PRKCB: variants seen among roughly 807,000 people sequenced by gnomAD.
The protein encoded by PRKCB is protein kinase C beta type.
In PRKCB, 13 loss-of-function variants were observed where a neutral mutation model predicts 81.5. The observed-to-expected ratio is 0.16, with a 90% CI of 0.10 to 0.25. PRKCB has a LOEUF of 0.25. PRKCB is among the 10% of genes least tolerant of loss of function. The pLI is 1.00. For missense variants in PRKCB, 509 were observed against 875.7 expected (o/e 0.58, Z 5.29); for synonymous variants, 335 against 321.4 (o/e 1.04, Z -0.45).
At chr16:23,873,833 C>T (rs140176540) in intron 2 of PRKCB, among the ~76,000 whole-genome samples, 43 of 152,342 alleles carry the variant, frequency 2.8e-4, no homozygotes, top group Non-Finnish European at 5.7e-4. Flanking sequence ...TCCCACTCTT[C>T]ATCCTGCTTT....
At chr16:24,000,125 G>A (rs1412863343) in intron 3 of PRKCB, among the ~76,000 whole-genome samples, 1 of 152,160 alleles carries the variant, frequency 6.6e-6, no homozygotes, top group Non-Finnish European at 1.5e-5. Context: ...AGATTCAAGT[G>A]GTAGAAAAAT....
intron 2 of PRKCB, among the ~76,000 whole-genome samples, chr16:23,920,947 C>G (rs1279817996): frequency 2.0e-5 from 3 of 152,110 alleles, no homozygotes; most frequent in Non-Finnish European, 2.9e-5. Flanking sequence ...GGAGGCCTCA[C>G]GATCATGGCA....
chr16:24,206,879 T>C (rs1365715077), intron 16 of PRKCB, among the ~76,000 whole-genome samples: 2 of 152,234 alleles, frequency 1.3e-5, no homozygotes, highest in African/African-American at 4.8e-5. Flanking sequence ...CCTTCCTTAT[T>C]ATCCCTTAGC....
intron 5 of PRKCB, among the ~76,000 whole-genome samples, chr16:24,039,699 G>A (rs1211134076): frequency 6.6e-6 from 1 of 152,190 alleles, no homozygotes; most frequent in Non-Finnish European, 1.5e-5. Context: ...CTGGACATAG[G>A]GGTAACTGTG....
intron 3 of PRKCB, among the ~76,000 whole-genome samples, chr16:24,021,083 CTTTCT>C (rs1407371932): frequency 8.3e-5 from 10 of 120,872 alleles, no homozygotes; most frequent in Non-Finnish European, 1.5e-4. Context: ...TTCTTTCTTT[CTTTCT>C]TTTTTTCTTT....
intron 2 of PRKCB, among the ~76,000 whole-genome samples, chr16:23,844,386 A>G (rs931088503): frequency 6.6e-6 from 1 of 152,186 alleles, no homozygotes; most frequent in Non-Finnish European, 1.5e-5. Context: ...TATTCACCAC[A>G]TACATTCATT....
chr16:23,946,393 T>C (rs192708405), intron 2 of PRKCB, among the ~76,000 whole-genome samples: 88 of 152,320 alleles, frequency 5.8e-4, no homozygotes, highest in African/African-American at 2.1e-3. Context: ...GGATGACAGA[T>C]GCCGGTACCT....
At chr16:24,003,163 A>C (rs1331225706) in intron 3 of PRKCB, among the ~76,000 whole-genome samples, 1 of 151,896 alleles carries the variant, frequency 6.6e-6, no homozygotes, top group East Asian at 1.9e-4. Flanking sequence ...CTTTCCCAAC[A>C]CCATGCCCAC....
Position 23,870,007 on chromosome 16 carries a change from G to T in PRKCB, c.205+32601G>T, listed in dbSNP as rs183458177. Among the ~76,000 whole-genome samples the T allele has an allele frequency of 2.1e-3, 310 of 147,146 alleles. 1 individual carries two copies. Among genetic ancestry groups the T allele is most frequent in the Admixed American group, 3.0e-3 (44 of 14,488 alleles). ...ATTGCACTCTAGCCTGGGCGACAGAGTGAGACTCCATCTGAAAAAAAAAAA... is the reference window on the plus strand; with the variant it reads ...ATTGCACTCTAGCCTGGGCGACAGATTGAGACTCCATCTGAAAAAAAAAAA... On this transcript the variant is annotated intron_variant, in intron 2 of 16. Transcript: ENST00000643927.
intron 2 of PRKCB, among the ~76,000 whole-genome samples, chr16:23,968,353 A>G (rs1470313919): frequency 6.6e-6 from 1 of 152,202 alleles, no homozygotes; most frequent in East Asian, 1.9e-4. Flanking sequence ...GGAATGTGGA[A>G]GCACCTAGGG....
At position 23,867,007 on chromosome 16, in the gene PRKCB, TC is replaced by T. The variant is rs1301750238; in HGVS notation, c.205+29603del. Among the ~76,000 whole-genome samples, 103 of 73,788 alleles carry T rather than the reference TC, an allele frequency of 1.4e-3. 2 individuals carry two copies. The highest frequency in any genetic ancestry group is 5.3e-3 in the African/African-American group (94 of 17,834). 48.4% of individuals were successfully genotyped at this position (73,788 alleles called of 152,430 possible). A position where few individuals can be genotyped will look rare whatever the true frequency, so the allele number is the denominator to read the frequency against. On this transcript the variant is annotated intron_variant, in intron 2 of 16. Transcript: ENST00000643927. ...CCTTCCCTTCCTTCCCTTCCTTCCT[TC>T]CTTCCTTCCTTCCTTCCTTCCTTCC...
At chr16:23,850,722 A>C (rs1962459102) in intron 2 of PRKCB, among the ~76,000 whole-genome samples, 1 of 152,124 alleles carries the variant, frequency 6.6e-6, no homozygotes, top group Non-Finnish European at 1.5e-5. Flanking sequence ...ATAAGGCTAT[A>C]CTAACTTACA....
At chr16:23,959,867 C>G (rs1964400691) in intron 2 of PRKCB, among the ~76,000 whole-genome samples, 1 of 152,196 alleles carries the variant, frequency 6.6e-6, no homozygotes, top group Non-Finnish European at 1.5e-5. Flanking sequence ...CGATGTCCCC[C>G]CACTTTGCAG....
chr16:23,838,972 T>C (rs2141072610), intron 2 of PRKCB, among the ~76,000 whole-genome samples: 1 of 152,350 alleles, frequency 6.6e-6, no homozygotes. Context: ...CAATGGTGTC[T>C]TGGCACCGGA....
At chr16:24,170,633 G>A (rs930579345) in intron 10 of PRKCB, among the ~76,000 whole-genome samples, 11 of 152,144 alleles carry the variant, frequency 7.2e-5, no homozygotes, top group South Asian at 2.1e-4. Context: ...TTGCCCAAGG[G>A]CCAAAACACA....
At chr16:24,092,999 C>T (rs3729897) in intron 6 of PRKCB, 52 bp downstream of exon 6, 2 of 1,568,022 alleles carry the variant, frequency 1.3e-6, no homozygotes, top group Admixed American at 3.5e-5. Flanking sequence ...GGGTTATGTG[C>T]CACCTGAAAT....
Position 23,896,883 on chromosome 16 carries a change from ACCATCCATCCATCCATCCATCCATCCAT to A in PRKCB, c.205+59493_205+59520del, listed in dbSNP as rs55662090. Among the ~76,000 whole-genome samples, 7 of 149,262 alleles carry A rather than the reference ACCATCCATCCATCCATCCATCCATCCAT, an allele frequency of 4.7e-5. No individual in the cohort carries two copies. In the South Asian group the frequency reaches 1.3e-3, roughly 28 times the overall value. On this transcript the variant is annotated intron_variant, in intron 2 of 16. Coordinates refer to ENST00000643927, the MANE Select transcript of PRKCB (RefSeq NM_002738.7). ...GGAAGGCTCTTCATCCATCCATCCA[ACCATCCATCCATCCATCCATCCATCCAT>A]CCATCCATCCATCCACTCATCCATC...
At chr16:23,983,638 T>A (rs1380833561) in intron 2 of PRKCB, among the ~76,000 whole-genome samples, 1 of 152,174 alleles carries the variant, frequency 6.6e-6, no homozygotes, top group South Asian at 2.1e-4. Flanking sequence ...CCAGGAATTG[T>A]GGTAGACACT....
intron 12 of PRKCB, among the ~76,000 whole-genome samples, chr16:24,179,828 T>C (rs894410536): frequency 2.0e-5 from 3 of 152,196 alleles, no homozygotes; most frequent in Admixed American, 2.0e-4. Context: ...ACAGAGTAAT[T>C]GTTATCTTTT....
Sources: gnomAD v4.1 joint callset for allele counts (sites outside exome capture counted in the v4.1 genomes callset) on GRCh38, gnomAD v4.1.1 for gene constraint, MANE v1.5 for transcripts, NCBI Gene and HGNC (gene_info 2026-07-23, HGNC 2026-07-21) for gene names.